The following ANO2 variants were observed in gnomAD, a reference collection of about 807,000 sequenced individuals.
ANO2 encodes anoctamin-2.
Under a neutral mutation model 124.2 loss-of-function variants are expected in ANO2, and 101 were observed. The observed-to-expected ratio is 0.81, with a 90% CI of 0.69 to 0.96. The LOEUF is 0.96. Among genes scored for constraint, ANO2 ranks in the 40% least tolerant of loss-of-function variants. ANO2 has a pLI of 0.00. For synonymous variants in ANO2, 486 were observed against 482.5 expected, an observed-to-expected ratio of 1.01 and a Z score of -0.09; for missense variants, 1,293 against 1,274.5, an observed-to-expected ratio of 1.01 and a Z score of -0.22.
chr12:5,872,271 C>T (rs928491059), intron 3 of ANO2, among the ~76,000 whole-genome samples: 1 of 152,184 alleles, frequency 6.6e-6, no homozygotes, highest in African/African-American at 2.4e-5. Flanking sequence ...TTCATCCTGG[C>T]TTACCTGTCA....
At chr12:5,752,067 T>G (rs1225699484) in intron 10 of ANO2, among the ~76,000 whole-genome samples, 3 of 152,200 alleles carry the variant, frequency 2.0e-5, no homozygotes, top group Non-Finnish European at 4.4e-5. Flanking sequence ...TCCTTATTTT[T>G]AAGGCTGAAT....
chr12:5,881,114 G>A (rs955263278), intron 3 of ANO2, among the ~76,000 whole-genome samples: 3 of 152,070 alleles, frequency 2.0e-5, no homozygotes, highest in Non-Finnish European at 2.9e-5. Flanking sequence ...TATGTCTACA[G>A]AAAAAAAGAA....
At chr12:5,610,796 G>A (rs1944493524) in intron 19 of ANO2, among the ~76,000 whole-genome samples, 1 of 128,502 alleles carries the variant, frequency 7.8e-6, no homozygotes, top group Non-Finnish European at 1.6e-5. Flanking sequence ...GGCCCAGCTG[G>A]CCCAGCCCAT....
intron 14 of ANO2, among the ~76,000 whole-genome samples, chr12:5,663,303 A>G (rs1437033979): frequency 1.3e-5 from 2 of 152,224 alleles, no homozygotes; most frequent in African/African-American, 4.8e-5. Context: ...AGAGAGGAAA[A>G]GCGGAGCCAA....
In ANO2 at chr12:5,603,307, G is replaced by A. The variant is rs182391248; in HGVS notation, c.2088-3678C>T. Among the ~76,000 whole-genome samples the A allele has an allele frequency of 2.0e-4, 30 of 152,224 alleles. No individual in the cohort carries two copies. In the East Asian group the frequency reaches 4.6e-3, roughly 24 times the overall value. ...CATTTAAACAAAAGTGACCAATAAC[G>A]ACCAATAAAACAAGAGTGACCAATA... is the stretch of plus-strand genomic sequence containing the variant. On this transcript the variant is annotated intron_variant, in intron 19 of 24. Transcript: ENST00000682330.
intron 14 of ANO2, among the ~76,000 whole-genome samples, chr12:5,678,498 G>T (rs1163029983): frequency 6.6e-6 from 1 of 152,148 alleles, no homozygotes; most frequent in African/African-American, 2.4e-5. Context: ...CACATTTGGG[G>T]CCACAGTTTT....
At chr12:5,876,003 AGAG>A (rs1938073360) in intron 3 of ANO2, among the ~76,000 whole-genome samples, 1 of 152,182 alleles carries the variant, frequency 6.6e-6, no homozygotes, top group Admixed American at 6.5e-5. Context: ...CAAAGATGTG[AGAG>A]AAGAAGGATG....
At chr12:5,624,226 C>G (rs1045623140) in intron 16 of ANO2, among the ~76,000 whole-genome samples, 1 of 150,710 alleles carries the variant, frequency 6.6e-6, no homozygotes, top group Non-Finnish European at 1.5e-5. Flanking sequence ...GGGACCTAAA[C>G]AGGAAGGGAG....
Position 5,744,266 on chromosome 12 carries a change from G to A in ANO2, c.1242C>T (p.Asp414=), listed in dbSNP as rs767311671. ...QNAFTMCPLC[D]KSCDYWNLSS... ...TGAGGTTCCAGTAATCACAGGACTT[G>A]TCACACAGGGGACACATGGTGAAGG... Residue 414 remains aspartate, a synonymous_variant, in exon 12 of 25, where the codon GAC becomes GAT. Transcript: ENST00000682330. 5.6e-5 allele frequency: 90 copies of A among 1,613,872 alleles called. No homozygotes were observed. Among genetic ancestry groups the A allele is most frequent in the Non-Finnish European group, 7.4e-5 (87 of 1,179,886 alleles).
At chr12:5,778,540 T>G (rs878936544) in intron 10 of ANO2, among the ~76,000 whole-genome samples, 1 of 152,230 alleles carries the variant, frequency 6.6e-6, no homozygotes, top group Admixed American at 6.5e-5. Flanking sequence ...TCCCCACATC[T>G]AACATATCTG....
At chr12:5,945,936 C>T (rs1184911215), upstream of ANO2, among the ~76,000 whole-genome samples, 3 of 152,226 alleles carry the variant, frequency 2.0e-5, no homozygotes, top group African/African-American at 7.2e-5. Context: ...ATGATGGAAG[C>T]TCCATCCCCA....
At chr12:5,702,936 A>T (rs1949464929) in intron 14 of ANO2, among the ~76,000 whole-genome samples, 1 of 152,234 alleles carries the variant, frequency 6.6e-6, no homozygotes, top group Admixed American at 6.5e-5. Flanking sequence ...TTGCTCAATT[A>T]TTTTAGAGAA....
intron 3 of ANO2, among the ~76,000 whole-genome samples, chr12:5,872,675 C>T (rs1008412812): frequency 2.6e-5 from 4 of 152,262 alleles, no homozygotes; most frequent in Non-Finnish European, 5.9e-5. Context: ...TCCATTTCAG[C>T]CCACTAAGAG....
chr12:5,765,201 C>T (rs569248529), intron 10 of ANO2, among the ~76,000 whole-genome samples: 3 of 152,198 alleles, frequency 2.0e-5, no homozygotes, highest in Non-Finnish European at 4.4e-5. Flanking sequence ...ATTCCAATGC[C>T]CACAGGAGCC....
chr12:5,945,310 C>G, upstream of ANO2: 1 of 1,067,876 alleles, frequency 9.4e-7, no homozygotes, highest in Non-Finnish European at 1.1e-6. Context: ...TCAGCTCCGT[C>G]CCGGCGCGCC....
chr12:5,767,079 C>T lies in ANO2; in HGVS notation c.1056-16109G>A, dbSNP rs1231658245. On this transcript the variant is annotated intron_variant, in intron 10 of 24. Transcript: ENST00000682330. ...CAAGGCGTGTACCTAGAGAGCCAGC[C>T]CTGTCAGCTGGAGGGCTAATTTCTG... 2.6e-5 allele frequency among the ~76,000 whole-genome samples: 4 copies of T among 152,200 alleles called. 1 individual carries two copies. The highest frequency in any genetic ancestry group is 1.5e-5 in the Non-Finnish European group (1 of 68,048).
At chr12:5,940,324 T>C (rs779375656) in intron 1 of ANO2, among the ~76,000 whole-genome samples, 3 of 152,374 alleles carry the variant, frequency 2.0e-5, no homozygotes, top group Middle Eastern at 3.4e-3. Context: ...TTTAGATAGA[T>C]TGTATAGAAC....
At chr12:5,890,917 A>G (rs1411672225) in intron 3 of ANO2, among the ~76,000 whole-genome samples, 1 of 152,172 alleles carries the variant, frequency 6.6e-6, no homozygotes, top group South Asian at 2.1e-4. Context: ...TGCCTTTCCC[A>G]TATTTTACAA....
intron 3 of ANO2, among the ~76,000 whole-genome samples, chr12:5,874,700 A>G (rs1937971377): frequency 6.6e-6 from 1 of 152,124 alleles, no homozygotes; most frequent in Non-Finnish European, 1.5e-5. Flanking sequence ...AGCTCCCCCC[A>G]GCCAGATCCT....
Sources: gnomAD v4.1 joint callset for allele counts (sites outside exome capture counted in the v4.1 genomes callset) on GRCh38, gnomAD v4.1.1 for gene constraint, MANE v1.5 for transcripts, NCBI Gene and HGNC (gene_info 2026-07-23, HGNC 2026-07-21) for gene names.